Variants in RERE observed in about 807,000 individuals in gnomAD.
The protein encoded by RERE is arginine-glutamic acid dipeptide repeats protein.
In RERE, 40 loss-of-function variants were observed where a neutral mutation model predicts 146.1. That is an observed-to-expected ratio of 0.27 (90% CI 0.21 to 0.36). RERE has a LOEUF of 0.36. Among genes scored for constraint, RERE ranks in the 10% least tolerant of loss-of-function variants. The pLI, the probability that RERE is intolerant of heterozygous loss-of-function variation, is 1.00. For missense variants in RERE, 1,933 were observed against 2,138.7 expected (o/e 0.90, Z 1.90); for synonymous variants, 1,003 against 866.0 (o/e 1.16, Z -2.78).
intron 1 of RERE, among the ~76,000 whole-genome samples, chr1:8,763,917 GCAACA>G (rs1640801179): frequency 6.7e-6 from 1 of 149,854 alleles, no homozygotes. Flanking sequence ...CTCCAGCCTG[GCAACA>G]GATCAAGACT....
chr1:8,701,113 G>A (rs1569578067), intron 1 of RERE, among the ~76,000 whole-genome samples: 1 of 152,114 alleles, frequency 6.6e-6, no homozygotes, highest in East Asian at 1.9e-4. Context: ...CCTAACAGCT[G>A]TACACAGTTG....
At chr1:8,803,895 G>C (rs1641636024) in intron 1 of RERE, among the ~76,000 whole-genome samples, 1 of 151,996 alleles carries the variant, frequency 6.6e-6, no homozygotes, top group Non-Finnish European at 1.5e-5. Context: ...AAGTGTTTAA[G>C]GATTCCACAA....
chr1:8,624,543 A>G (rs1282298031), intron 2 of RERE, among the ~76,000 whole-genome samples, 163 bp from the exon 3 acceptor site: 2 of 152,196 alleles, frequency 1.3e-5, no homozygotes, highest in East Asian at 1.9e-4. Flanking sequence ...TTTAGGCTAA[A>G]GGAAAACTGC....
intron 12 of RERE, chr1:8,381,229 C>G (rs1447615183): frequency 2.9e-6 from 1 of 346,782 alleles, no homozygotes; most frequent in African/African-American, 2.2e-5. Context: ...CAAGTTATGT[C>G]TATAACATGA....
intron 11 of RERE, among the ~76,000 whole-genome samples, chr1:8,464,201 TAA>T (rs955427682): frequency 4.6e-5 from 7 of 151,960 alleles, no homozygotes; most frequent in Non-Finnish European, 7.4e-5. Context: ...CTGATAAAGT[TAA>T]AGTCTTAAGG....
chr1:8,604,607 AGGGAGGGAGGGAGGG>A (rs1646676223), intron 4 of RERE, among the ~76,000 whole-genome samples: 1 of 74,092 alleles, frequency 1.3e-5, no homozygotes, highest in South Asian at 5.7e-4. Context: ...GAAGGGAGGG[AGGGAGGGAGGGAGGG>A]AGGAAGGAAG....
Position 8,354,566 on chromosome 1 carries a change from G to A in RERE, c.*521C>T, listed in dbSNP as rs1481313562. On this transcript the variant is annotated 3_prime_UTR_variant, in exon 23 of 23. Transcript: ENST00000400908. ...AATTATTTATTTACAGACGTAAAAAGCCATGCTGCAGAACTTTCTCCAATT... is the reference window on the plus strand; with the variant it reads ...AATTATTTATTTACAGACGTAAAAAACCATGCTGCAGAACTTTCTCCAATT... 1 of 152,262 alleles carries A rather than the reference G, an allele frequency of 6.6e-6. No homozygotes were observed. Among genetic ancestry groups the A allele is most frequent in the East Asian group, 1.9e-4 (1 of 5,198 alleles). The allele number at this position is 152,262 out of a possible 1,614,324, so 9.4% of individuals were successfully genotyped here. A position where few individuals can be genotyped will look rare whatever the true frequency, so the allele number is the denominator to read the frequency against.
intron 4 of RERE, among the ~76,000 whole-genome samples, chr1:8,607,546 T>C (rs1006683624): frequency 3.0e-5 from 3 of 99,638 alleles, no homozygotes; most frequent in South Asian, 3.4e-4. Flanking sequence ...TTTTTTTTTT[T>C]TTTTTTTTTT....
chr1:8,703,946 C>T (rs979969967), intron 1 of RERE, among the ~76,000 whole-genome samples: 2 of 152,202 alleles, frequency 1.3e-5, no homozygotes. Flanking sequence ...AAAAATCTCA[C>T]CAATCCCTTT....
intron 12 of RERE, among the ~76,000 whole-genome samples, chr1:8,401,038 C>CATATATATATCTATATATAT (rs1643242550): frequency 1.7e-5 from 1 of 57,482 alleles, no homozygotes; most frequent in African/African-American, 5.6e-5. Flanking sequence ...AAAAAAAAAC[C>CATATATATATCTATATATAT]ATATATATAT....
chr1:8,558,170 A>G (rs1232853387), intron 4 of RERE, among the ~76,000 whole-genome samples: 1 of 152,258 alleles, frequency 6.6e-6, no homozygotes, highest in Non-Finnish European at 1.5e-5. Context: ...CTTGTATAAA[A>G]TTATTTGTGA....
At chr1:8,694,973 A>AGG (rs57215572) in intron 1 of RERE, among the ~76,000 whole-genome samples, 11,225 of 32,416 alleles carry the variant, frequency 0.35, 2,216 homozygotes, top group East Asian at 0.53. Flanking sequence ...AGAAATCCTA[A>AGG]GGGGGGGGGG....
intron 1 of RERE, among the ~76,000 whole-genome samples, chr1:8,682,080 C>G (rs1052544955): frequency 6.6e-6 from 1 of 152,098 alleles, no homozygotes; most frequent in Admixed American, 6.5e-5. Context: ...CCCTACCTAC[C>G]CTGTTTTGGC....
At chr1:8,747,122 C>T (rs1640438215) in intron 1 of RERE, among the ~76,000 whole-genome samples, 1 of 152,062 alleles carries the variant, frequency 6.6e-6, no homozygotes, top group African/African-American at 2.4e-5. Context: ...CTGCCTCAGC[C>T]TCCCGAGTAG....
rs60346942 is a variant in RERE, at chr1:8,605,845, C to CTTTTTTTTTTTTTT, written c.522+8702_522+8715dup. On this transcript the variant is annotated intron_variant, in intron 4 of 22. Coordinates refer to ENST00000400908, the MANE Select transcript of RERE (RefSeq NM_001042681.2). ...ACAAATTTAAGTGTTAAATACCAAACTTTTTTTTTTTTTTTTTGAGACAGC... is the reference window on the plus strand; with the variant it reads ...ACAAATTTAAGTGTTAAATACCAAACTTTTTTTTTTTTTTTTTTTTTTTTTTTTTTTGAGACAGC... Among the ~76,000 whole-genome samples the CTTTTTTTTTTTTTT allele has an allele frequency of 1.1e-3, 105 of 93,218 alleles. 16 individuals carry two copies. Among genetic ancestry groups the CTTTTTTTTTTTTTT allele is most frequent in the African/African-American group, 4.4e-3 (102 of 23,336 alleles). 61.2% of individuals were successfully genotyped at this position (93,218 alleles called of 152,430 possible). A position where few individuals can be genotyped will look rare whatever the true frequency, so the allele number is the denominator to read the frequency against.
Position 8,352,580 on chromosome 1 carries a change from A to G in RERE, c.*2507T>C, listed in dbSNP as rs1395537102. The G allele has an allele frequency of 6.6e-6, 1 of 152,422 alleles. No individual in the cohort carries two copies. The highest frequency in any genetic ancestry group is 2.4e-5 in the African/African-American group (1 of 41,446). The allele number at this position is 152,422 out of a possible 1,614,324, so 9.4% of individuals were successfully genotyped here. A position where few individuals can be genotyped will look rare whatever the true frequency, so the allele number is the denominator to read the frequency against. ...TTCAAGATATATAGAAACGTAGCAA[A>G]TCCGAGTGTGCACGCTGCCTCTGCC... On this transcript the variant is annotated 3_prime_UTR_variant, in exon 23 of 23. Coordinates refer to ENST00000400908, the MANE Select transcript of RERE (RefSeq NM_001042681.2).
Position 8,358,390 on chromosome 1 carries a change from G to A in RERE, c.4145C>T (p.Ala1382Val), listed in dbSNP as rs1641387459. ...CATCTCGGGCCGCAGCTGGGGGCCC[G>A]CCAGGGCCAGTCTCTCCCTCTCCAA... ...NPLERERLAL[A>V]GPQLRPEMSY... Residue 1382 changes from alanine to valine, a missense_variant, in exon 20 of 23, where the codon GCG becomes GTG. Transcript: ENST00000400908. 6 of 1,607,290 alleles carry A rather than the reference G, an allele frequency of 3.7e-6. No homozygotes were observed. Among genetic ancestry groups the A allele is most frequent in the Non-Finnish European group, 5.1e-6 (6 of 1,176,022 alleles).
chr1:8,742,441 A>C (rs960435258), intron 1 of RERE, among the ~76,000 whole-genome samples: 7 of 152,202 alleles, frequency 4.6e-5, no homozygotes, highest in Non-Finnish European at 1.0e-4. Flanking sequence ...CCAAATCCGT[A>C]ATAGTGAGTA....
chr1:8,541,063 A>T, intron 7 of RERE, 151 bp downstream of exon 7: 2 of 403,472 alleles, frequency 5.0e-6, no homozygotes. Context: ...CCTCCCAAAG[A>T]AGTTTACTGA....
Sources: allele counts gnomAD v4.1 joint callset (sites outside exome capture counted in the v4.1 genomes callset), GRCh38; gene constraint gnomAD v4.1.1; transcripts MANE v1.5; gene names NCBI Gene and HGNC (gene_info 2026-07-23, HGNC 2026-07-21).